The following AKR1E2 variants were observed in gnomAD, a reference collection of about 807,000 sequenced individuals.
The protein encoded by AKR1E2 is 1,5-anhydro-D-fructose reductase.
A neutral mutation model predicts 41.9 loss-of-function variants in AKR1E2; 43 were observed. The ratio of observed to expected loss-of-function variants is 1.03; its 90% CI spans 0.80 to 1.32. The LOEUF (loss-of-function observed/expected upper bound fraction) is 1.32, where lower values mean the gene tolerates loss of function less well. Among genes scored for constraint, AKR1E2 ranks in the 40% most tolerant of loss-of-function variants. The pLI, the probability that AKR1E2 is intolerant of heterozygous loss-of-function variation, is 0.00. For missense variants in AKR1E2, 423 were observed against 396.5 expected (o/e 1.07, Z -0.57); for synonymous variants, 121 against 138.9 (o/e 0.87, Z 0.91).
upstream of AKR1E2, among the ~76,000 whole-genome samples, chr10:4,825,494 G>A (rs183804079): frequency 4.1e-3 from 625 of 152,252 alleles, 1 homozygote; most frequent in Non-Finnish European, 6.3e-3. Context: ...GGGGGCCCGA[G>A]GCTGCAAGCA....
At chr10:4,863,066 G>C in the AKR1E2 span, among the ~76,000 whole-genome samples, 1 of 151,646 alleles carries the variant, frequency 6.6e-6, no homozygotes, top group African/African-American at 2.4e-5. Context: ...CAGAAAGTTA[G>C]CAAGGATATC....
upstream of AKR1E2, among the ~76,000 whole-genome samples, chr10:4,825,214 T>C (rs547148227): frequency 3.5e-3 from 536 of 152,208 alleles, 3 homozygotes; most frequent in Non-Finnish European, 4.9e-3. Flanking sequence ...AGCCGCCCCA[T>C]TGAGCAGAAT....
At chr10:4,832,995 T>G (rs1181392428) in intron 2 of AKR1E2, among the ~76,000 whole-genome samples, 1 of 152,250 alleles carries the variant, frequency 6.6e-6, no homozygotes, top group African/African-American at 2.4e-5. Flanking sequence ...AAACACAAGA[T>G]AGAGATTCTT....
intron 5 of AKR1E2, among the ~76,000 whole-genome samples, chr10:4,839,325 C>A (rs536640127): frequency 1.3e-5 from 2 of 152,216 alleles, no homozygotes; most frequent in South Asian, 2.1e-4. Flanking sequence ...CTTCATGAGG[C>A]TTAGATCTTG....
At chr10:4,828,886 C>G (rs1215804508) in intron 1 of AKR1E2, among the ~76,000 whole-genome samples, 1 of 152,150 alleles carries the variant, frequency 6.6e-6, no homozygotes, top group Non-Finnish European at 1.5e-5. Context: ...GTTTCACCTG[C>G]TATATTCATT....
intron 8 of AKR1E2, among the ~76,000 whole-genome samples, chr10:4,842,878 A>G (rs970411854): frequency 1.3e-5 from 2 of 152,176 alleles, no homozygotes; most frequent in Non-Finnish European, 2.9e-5. Context: ...AAGGGGAGGC[A>G]GTTGGTGGAC....
At chr10:4,849,250 G>A (rs147657564), downstream of AKR1E2, among the ~76,000 whole-genome samples, 7 of 152,316 alleles carry the variant, frequency 4.6e-5, no homozygotes, top group South Asian at 4.1e-4. Flanking sequence ...ACCTTCCTAC[G>A]ATCAGGCCCT....
chr10:4,851,484 C>T (rs1158326463), downstream of AKR1E2, among the ~76,000 whole-genome samples: 1 of 152,188 alleles, frequency 6.6e-6, no homozygotes, highest in Non-Finnish European at 1.5e-5. Flanking sequence ...ACTTTGAACA[C>T]ATGGAGAACA....
At chr10:4,858,846 T>C in the AKR1E2 span, among the ~76,000 whole-genome samples, 19 of 132,958 alleles carry the variant, frequency 1.4e-4, no homozygotes, top group African/African-American at 5.2e-4. Context: ...TTTTTTGAGA[T>C]GGAGTCTCAC....
At chr10:4,859,882 A>C in the AKR1E2 span, among the ~76,000 whole-genome samples, 2 of 152,192 alleles carry the variant, frequency 1.3e-5, no homozygotes, top group South Asian at 4.1e-4. Flanking sequence ...AATGCACTCC[A>C]TGCATGTGCA....
At chr10:4,847,125 C>T (rs753023023) in intron 8 of AKR1E2, 23 bp from the exon 9 acceptor site, 1 of 1,613,728 alleles carries the variant, frequency 6.2e-7, no homozygotes. Flanking sequence ...AAGTTTTCTA[C>T]AAACATTGTG....
the AKR1E2 span, among the ~76,000 whole-genome samples, chr10:4,856,609 G>A: frequency 2.0e-5 from 3 of 152,048 alleles, no homozygotes; most frequent in African/African-American, 7.2e-5. Context: ...AATATGAAAT[G>A]GTGTTTGATT....
the AKR1E2 span, among the ~76,000 whole-genome samples, chr10:4,869,784 G>A: frequency 6.6e-6 from 1 of 151,928 alleles, no homozygotes; most frequent in Admixed American, 6.6e-5. Context: ...GGAGTGTGTT[G>A]TTTAATTTCC....
At chr10:4,830,878 G>A in intron 2 of AKR1E2, 36 bp downstream of exon 2, 1 of 1,612,116 alleles carries the variant, frequency 6.2e-7, no homozygotes, top group East Asian at 2.2e-5. Flanking sequence ...CAGAGCTTGG[G>A]TAATGCTACA....
At chr10:4,839,859 T>C (rs765374492) in intron 6 of AKR1E2, 33 bp downstream of exon 6, 1 of 1,583,624 alleles carries the variant, frequency 6.3e-7, no homozygotes, top group South Asian at 1.1e-5. Context: ...TTAGTCAGAG[T>C]CCGACTGGGA....
At chr10:4,850,968 A>G (rs1159551337), downstream of AKR1E2, among the ~76,000 whole-genome samples, 2 of 152,218 alleles carry the variant, frequency 1.3e-5, no homozygotes, top group African/African-American at 4.8e-5. Context: ...TGTGTCTAAA[A>G]CAATGCTTCA....
At chr10:4,860,971 G>A in the AKR1E2 span, among the ~76,000 whole-genome samples, 104 of 152,236 alleles carry the variant, frequency 6.8e-4, no homozygotes, top group Admixed American at 1.2e-3. Context: ...CATAAATCAT[G>A]GTATGGTTTT....
At chr10:4,868,697 T>A in the AKR1E2 span, among the ~76,000 whole-genome samples, 1 of 152,216 alleles carries the variant, frequency 6.6e-6, no homozygotes, top group South Asian at 2.1e-4. Flanking sequence ...CTTTATCAAG[T>A]TTAGAAAGTT....
chr10:4,862,538 C>G, the AKR1E2 span, among the ~76,000 whole-genome samples: 1 of 152,154 alleles, frequency 6.6e-6, no homozygotes, highest in Non-Finnish European at 1.5e-5. Context: ...GCCATTTTCA[C>G]GATATTGATT....
Sources: allele counts gnomAD v4.1 joint callset (sites outside exome capture counted in the v4.1 genomes callset), GRCh38; gene constraint gnomAD v4.1.1; transcripts MANE v1.5; gene names NCBI Gene and HGNC (gene_info 2026-07-23, HGNC 2026-07-21).